The following EXOG variants were observed in gnomAD, a reference collection of about 807,000 sequenced individuals.
The protein encoded by EXOG is exo/endonuclease G.
A neutral mutation model predicts 25.8 loss-of-function variants in EXOG; 27 were observed. That is an observed-to-expected ratio of 1.05 (90% confidence interval 0.77 to 1.45). The LOEUF (loss-of-function observed/expected upper bound fraction) is 1.45. Ranked by LOEUF, EXOG falls within the 40% of genes most tolerant of loss-of-function variation. The pLI is 0.00. For missense variants in EXOG, 458 were observed against 450.5 expected, an observed-to-expected ratio of 1.02 and a Z score of -0.15; for synonymous variants, 133 against 167.0, an observed-to-expected ratio of 0.80 and a Z score of 1.57.
chr3:38,511,573 G>A (rs1184815533), intron 5 of EXOG, among the ~76,000 whole-genome samples: 1 of 152,158 alleles, frequency 6.6e-6, no homozygotes, highest in East Asian at 1.9e-4. Context: ...CATGGGACAG[G>A]GTACTAGAAT....
At chr3:38,521,827 G>A (rs530708020) in intron 5 of EXOG, among the ~76,000 whole-genome samples, 3 of 152,320 alleles carry the variant, frequency 2.0e-5, no homozygotes, top group Admixed American at 1.3e-4. Flanking sequence ...TAAGTTTCTT[G>A]AGTGGAGGCA....
chr3:38,520,921 G>T (rs1367024956), intron 5 of EXOG, among the ~76,000 whole-genome samples: 1 of 152,190 alleles, frequency 6.6e-6, no homozygotes, highest in Non-Finnish European at 1.5e-5. Context: ...ACCTCTAGTA[G>T]TGTTTAGAAA....
intron 1 of EXOG, chr3:38,496,780 A>G: frequency 1.5e-6 from 2 of 1,352,248 alleles, no homozygotes; most frequent in Non-Finnish European, 1.9e-6. Context: ...CCGCCGCCCG[A>G]CTTTCTTCCC....
chr3:38,508,879 C>A (rs1291918228), intron 5 of EXOG, among the ~76,000 whole-genome samples: 1 of 152,128 alleles, frequency 6.6e-6, no homozygotes, highest in Non-Finnish European at 1.5e-5. Flanking sequence ...AATTATGACC[C>A]AACTACTTCT....
In EXOG at chr3:38,526,219, G is replaced by A. The variant is rs935041139; in HGVS notation, c.*1857G>A. 5.1e-6 allele frequency: 5 copies of A among 985,038 alleles called. No individual in the cohort carries two copies. The highest frequency in any genetic ancestry group is 6.1e-5 in the Admixed American group (1 of 16,266). The allele number at this position is 985,038 out of a possible 1,614,324, so 61.0% of individuals were successfully genotyped here. A position where few individuals can be genotyped will look rare whatever the true frequency, so the allele number is the denominator to read the frequency against. On this transcript the variant is annotated 3_prime_UTR_variant, in exon 6 of 6. Coordinates refer to ENST00000287675, the MANE Select transcript of EXOG (RefSeq NM_005107.4). ...CATACATACCACTGCTGTCTTTTCC[G>A]AGTGGTATTACAAGAAAGATTTTTG... is the stretch of plus-strand genomic sequence containing the variant.
intron 4 of EXOG, 89 bp downstream of exon 4, chr3:38,503,780 G>A: frequency 1.3e-6 from 1 of 785,454 alleles, no homozygotes. Flanking sequence ...AGCTGTTTCT[G>A]TCTTTGTTTT....
intron 5 of EXOG, chr3:38,519,463 A>G (rs757800721): frequency 6.6e-5 from 10 of 152,250 alleles, no homozygotes; most frequent in African/African-American, 1.7e-4. Flanking sequence ...GCACTTTGCA[A>G]ACTTCCATTA....
At chr3:38,514,793 C>T (rs1296823641) in intron 5 of EXOG, among the ~76,000 whole-genome samples, 4 of 77,994 alleles carry the variant, frequency 5.1e-5, no homozygotes, top group Admixed American at 1.8e-4. Flanking sequence ...TTTTTTGAGA[C>T]GGAGTTTTAC....
At position 38,518,850 on chromosome 3, in the gene EXOG, G is replaced by C. The variant is rs185974187; in HGVS notation, c.646-5051G>C. Among the ~76,000 whole-genome samples, 8 of 152,252 alleles carry C rather than the reference G, an allele frequency of 5.3e-5. No individual in the cohort carries two copies. In the East Asian group the frequency reaches 1.4e-3, roughly 26 times the overall value. ...TAGACAAGAAAATCAAGGCTTTAAG[G>C]ATCAAGTCTCAGGCATATAGCTTAT... On this transcript the variant is annotated intron_variant, in intron 5 of 5. Transcript: ENST00000287675.
chr3:38,509,655 AG>A (rs1166133219), intron 5 of EXOG, among the ~76,000 whole-genome samples: 2 of 152,230 alleles, frequency 1.3e-5, no homozygotes, highest in African/African-American at 4.8e-5. Flanking sequence ...CAGAAAGCCA[AG>A]GAAGTGCTCA....
At chr3:38,519,918 G>GTT (rs1244452663) in intron 5 of EXOG, among the ~76,000 whole-genome samples, 5 of 152,268 alleles carry the variant, frequency 3.3e-5, no homozygotes, top group Middle Eastern at 3.4e-3. Flanking sequence ...CGGATTTCCT[G>GTT]TTTATCAAAC....
chr3:38,512,570 G>A (rs948158349), intron 5 of EXOG, among the ~76,000 whole-genome samples: 1 of 151,968 alleles, frequency 6.6e-6, no homozygotes, highest in Admixed American at 6.6e-5. Context: ...CTTAATTTTA[G>A]TTCTTCCGTT....
At chr3:38,512,743 G>A (rs1306527474) in intron 5 of EXOG, among the ~76,000 whole-genome samples, 2 of 151,996 alleles carry the variant, frequency 1.3e-5, no homozygotes, top group African/African-American at 4.8e-5. Context: ...GCCTCTTATG[G>A]CAAGTCCAGC....
At chr3:38,511,634 G>T (rs931798458) in intron 5 of EXOG, among the ~76,000 whole-genome samples, 4 of 152,194 alleles carry the variant, frequency 2.6e-5, no homozygotes, top group Non-Finnish European at 5.9e-5. Context: ...GAAATTTCTG[G>T]TGTTTAACTT....
At chr3:38,515,590 G>T in intron 5 of EXOG, 1 of 181,520 alleles carries the variant, frequency 5.5e-6, no homozygotes, top group South Asian at 1.4e-4. Context: ...CTCCTCAGTG[G>T]TGTCCATCAT....
Position 38,496,526 on chromosome 3 carries a change from G to A in EXOG, c.159G>A (p.Pro53=), listed in dbSNP as rs2059892118. 2 of 1,610,780 alleles carry A rather than the reference G, an allele frequency of 1.2e-6. No homozygotes were observed. Among genetic ancestry groups the A allele is most frequent in the Non-Finnish European group, 1.7e-6 (2 of 1,179,398 alleles). ...AGGGAGCGTTGACAGGGAAGCAGCC[G>A]GATGGTAAGTCTGTGGGCCCGTCCT... ...GAEGALTGKQ[P]DGSAEKAVLE... The change falls in exon 1 of 6, where the codon CCG becomes CCA. Residue 53 remains proline (P), a synonymous_variant. Coordinates refer to ENST00000287675, the MANE Select transcript of EXOG (RefSeq NM_005107.4).
At chr3:38,504,572 A>G (rs1042406093) in intron 4 of EXOG, among the ~76,000 whole-genome samples, 1 of 151,804 alleles carries the variant, frequency 6.6e-6, no homozygotes, top group Non-Finnish European at 1.5e-5. Context: ...AGTAGCTGGG[A>G]TTATAGGCAC....
At chr3:38,504,873 A>G (rs559347544) in intron 4 of EXOG, among the ~76,000 whole-genome samples, 4 of 152,270 alleles carry the variant, frequency 2.6e-5, no homozygotes, top group Admixed American at 2.0e-4. Flanking sequence ...TTTTCCCCAT[A>G]TAGTACTTTG....
At chr3:38,518,181 T>C (rs1357331566) in intron 5 of EXOG, among the ~76,000 whole-genome samples, 1 of 151,990 alleles carries the variant, frequency 6.6e-6, no homozygotes, top group African/African-American at 2.4e-5. Context: ...GGTGAAGAGA[T>C]GAGAAGCGAT....
Sources: allele counts gnomAD v4.1 joint callset (sites outside exome capture counted in the v4.1 genomes callset), GRCh38; gene constraint gnomAD v4.1.1; transcripts MANE v1.5; gene names NCBI Gene and HGNC (gene_info 2026-07-23, HGNC 2026-07-21).